The following RGS22 variants were observed in gnomAD, a reference collection of about 807,000 sequenced individuals.
RGS22 encodes the protein regulator of G protein signaling 22.
A neutral mutation model predicts 172.9 loss-of-function variants in RGS22; 148 were observed. The ratio of observed to expected loss-of-function variants is 0.86; its 90% CI spans 0.75 to 0.98. The LOEUF (loss-of-function observed/expected upper bound fraction) is 0.98. Ranked by LOEUF, RGS22 falls within the 50% of genes least tolerant of loss-of-function variation. The pLI, the probability that RGS22 is intolerant of heterozygous loss-of-function variation, is 0.00. For missense variants in RGS22, 1,347 were observed against 1,440.8 expected (o/e 0.93, Z 1.05); for synonymous variants, 458 against 480.2 (o/e 0.95, Z 0.60).
intron 22 of RGS22, among the ~76,000 whole-genome samples, chr8:99,979,932 T>G (rs1812368923): frequency 6.6e-6 from 1 of 152,216 alleles, no homozygotes; most frequent in Non-Finnish European, 1.5e-5. Context: ...AAGACGATAC[T>G]GCAAAAAGCT....
chr8:99,970,117 T>C (rs1811176837), intron 23 of RGS22, among the ~76,000 whole-genome samples: 1 of 152,178 alleles, frequency 6.6e-6, no homozygotes, highest in Non-Finnish European at 1.5e-5. Context: ...CTGAACAACC[T>C]GCTCCTGAAT....
chr8:100,012,019 G>A (rs1008858465), intron 14 of RGS22, among the ~76,000 whole-genome samples: 2 of 151,980 alleles, frequency 1.3e-5, no homozygotes, highest in African/African-American at 4.8e-5. Context: ...GGTAAACCAA[G>A]TCAGAGTAAT....
chr8:100,064,423 A>G lies in RGS22; in HGVS notation c.725-380T>C, dbSNP rs567698828. Among the ~76,000 whole-genome samples the G allele has an allele frequency of 8.5e-4, 130 of 152,200 alleles. 5 individuals carry two copies. The South Asian group carries it at 0.026, about 31-fold the overall frequency. The stretch of plus-strand genomic sequence containing the variant: ...GGTTGCAGTGAGCTGGGAGCATACC[A>G]CTGCACTCCAGCCTGGGCAATAGAG... On this transcript the variant is annotated intron_variant, in intron 7 of 27. Coordinates refer to ENST00000360863, the MANE Select transcript of RGS22 (RefSeq NM_015668.5).
In RGS22 at chr8:100,037,668, T is replaced by C. The variant is rs79095258; in HGVS notation, c.2166+1263A>G. 3.1e-3 allele frequency among the ~76,000 whole-genome samples: 465 copies of C among 152,316 alleles called. 15 individuals are homozygous for C. The East Asian group carries it at 0.073, about 24-fold the overall frequency. On this transcript the variant is annotated intron_variant, in intron 14 of 27. Coordinates refer to ENST00000360863, the MANE Select transcript of RGS22 (RefSeq NM_015668.5). The stretch of plus-strand genomic sequence containing the variant: ...TAAGAAAAAAACTCAATTGGGCAGC[T>C]GAAGATTTTTGGAGGAATACTCTTT...
At chr8:100,064,556 C>T (rs1810402915) in intron 7 of RGS22, among the ~76,000 whole-genome samples, 1 of 152,100 alleles carries the variant, frequency 6.6e-6, no homozygotes, top group African/African-American at 2.4e-5. Context: ...TGGGAATTAA[C>T]CTTGTCTTCC....
At chr8:100,020,942 G>A (rs1438179873) in intron 14 of RGS22, among the ~76,000 whole-genome samples, 7 of 152,140 alleles carry the variant, frequency 4.6e-5, no homozygotes, top group African/African-American at 7.2e-5. Flanking sequence ...ATTCAGTGAC[G>A]TCACTTTGGC....
chr8:100,065,484 G>T (rs1810473078), intron 7 of RGS22, among the ~76,000 whole-genome samples: 2 of 152,112 alleles, frequency 1.3e-5, no homozygotes, highest in South Asian at 4.1e-4. Context: ...TTCCCCAGAG[G>T]TTGCTTATAC....
intron 4 of RGS22, among the ~76,000 whole-genome samples, chr8:100,074,502 A>T (rs2131861824): frequency 6.6e-6 from 1 of 152,360 alleles, no homozygotes; most frequent in East Asian, 1.9e-4. Flanking sequence ...AATGTCATAT[A>T]AATGGAATCA....
At chr8:100,032,229 G>T (rs1369326775) in intron 14 of RGS22, among the ~76,000 whole-genome samples, 2 of 152,068 alleles carry the variant, frequency 1.3e-5, no homozygotes, top group Admixed American at 1.3e-4. Flanking sequence ...TGGCAAATTG[G>T]ATAGAGTCAA....
chr8:100,101,966 G>A (rs1156372796), intron 2 of RGS22, among the ~76,000 whole-genome samples: 1 of 151,978 alleles, frequency 6.6e-6, no homozygotes, highest in Non-Finnish European at 1.5e-5. Context: ...AGGCATTGTG[G>A]CTTCCCAAAT....
chr8:100,031,997 T>G (rs1009578205), intron 14 of RGS22, among the ~76,000 whole-genome samples: 1 of 152,110 alleles, frequency 6.6e-6, no homozygotes, highest in Non-Finnish European at 1.5e-5. Context: ...AGGCCTGCCT[T>G]ACAAGAACTC....
At chr8:100,066,334 A>G in intron 6 of RGS22, 38 bp from the exon 7 acceptor site, 1 of 1,574,676 alleles carries the variant, frequency 6.4e-7, no homozygotes, top group Non-Finnish European at 8.7e-7. Context: ...ACATATGATT[A>G]GCAGTATTAC....
At chr8:100,046,393 A>T (rs1284283898) in intron 11 of RGS22, 1 of 151,916 alleles carries the variant, frequency 6.6e-6, no homozygotes, top group African/African-American at 2.4e-5. Context: ...TCATGACTAT[A>T]TGTCTTTTCA....
chr8:100,038,629 C>T (rs759529728), intron 14 of RGS22: 3 of 208,020 alleles, frequency 1.4e-5, no homozygotes, highest in Non-Finnish European at 2.9e-5. Flanking sequence ...TTTTAAATCA[C>T]TCAAAACCAA....
chr8:100,013,916 T>A (rs1816682303), intron 14 of RGS22, among the ~76,000 whole-genome samples: 1 of 152,194 alleles, frequency 6.6e-6, no homozygotes, highest in African/African-American at 2.4e-5. Context: ...AAAAACATAA[T>A]GACTGACTCC....
At chr8:99,982,138 A>G (rs1439271240) in intron 21 of RGS22, 22 bp from the exon 22 acceptor site, 2 of 1,565,980 alleles carry the variant, frequency 1.3e-6, no homozygotes, top group Non-Finnish European at 1.7e-6. Flanking sequence ...GAAAGATAGA[A>G]TGGTATATAA....
chr8:100,095,992 G>A (rs1812937236), intron 2 of RGS22, among the ~76,000 whole-genome samples: 1 of 152,144 alleles, frequency 6.6e-6, no homozygotes, highest in African/African-American at 2.4e-5. Flanking sequence ...CCTTCTCTTA[G>A]TAAATAAAGG....
chr8:100,066,016 G>A (rs2131811601), intron 7 of RGS22, 151 bp downstream of exon 7: 1 of 584,088 alleles, frequency 1.7e-6, no homozygotes, highest in Non-Finnish European at 2.9e-6. Context: ...ATACAAAGTT[G>A]TCTCTCAAAA....
intron 2 of RGS22, among the ~76,000 whole-genome samples, chr8:100,093,728 C>A (rs1644745087): frequency 6.6e-6 from 1 of 152,150 alleles, no homozygotes; most frequent in Non-Finnish European, 1.5e-5. Flanking sequence ...CAGAAGTGGG[C>A]ATACTCTTAA....
Sources: gnomAD v4.1 joint callset for allele counts (sites outside exome capture counted in the v4.1 genomes callset) on GRCh38, gnomAD v4.1.1 for gene constraint, MANE v1.5 for transcripts, NCBI Gene and HGNC (gene_info 2026-07-23, HGNC 2026-07-21) for gene names.